Variants in ST13 observed in about 807,000 individuals in gnomAD.
ST13 encodes the protein hsc70-interacting protein.
In ST13, 23 loss-of-function variants were observed where a neutral mutation model predicts 56.7. That is an observed-to-expected ratio of 0.41 (90% confidence interval 0.29 to 0.57). The LOEUF (loss-of-function observed/expected upper bound fraction) is 0.57. Among genes scored for constraint, ST13 ranks in the 20% least tolerant of loss-of-function variants. The pLI is 0.36. For missense variants in ST13, 369 were observed against 459.9 expected, an observed-to-expected ratio of 0.80 and a Z score of 1.81; for synonymous variants, 132 against 142.4, an observed-to-expected ratio of 0.93 and a Z score of 0.52.
chr22:40,853,844 T>C (rs1237353574), intron 1 of ST13, among the ~76,000 whole-genome samples: 1 of 152,098 alleles, frequency 6.6e-6, no homozygotes, highest in African/African-American at 2.4e-5. Context: ...TGAAACCACA[T>C]ACAAGATACT....
rs1451371304 is a variant in ST13, at chr22:40,856,491, T to G, written c.50A>C (p.Lys17Thr). 2 of 1,613,426 alleles carry G rather than the reference T, an allele frequency of 1.2e-6. No individual in the cohort carries two copies. Among genetic ancestry groups the G allele is most frequent in the East Asian group, 2.2e-5 (1 of 44,876 alleles). The change falls in exon 1 of 12, where the codon AAG becomes ACG. Residue 17 changes from lysine (K) to threonine (T), a missense_variant. This residue lies in a region of ST13 where 169 missense variants were observed against 175.6 expected (regional missense o/e 0.96). Transcript: ENST00000216218. ...GGTGTGCAGAACGCTCGGATCCTGC[T>G]TACACATTTTCACAAAGGCCCGAAG... Reference protein sequence around the residue: ...NELRAFVKMCKQDPSVLHTEE... With the variant: ...NELRAFVKMCTQDPSVLHTEE...
intron 1 of ST13, 55 bp downstream of exon 1, chr22:40,856,376 C>G (rs960669450): frequency 8.2e-5 from 122 of 1,486,812 alleles, no homozygotes; most frequent in Non-Finnish European, 1.1e-4. Flanking sequence ...CAGCCTGGCT[C>G]CCCCCTGGGG....
At chr22:40,856,030 A>G (rs543335657) in intron 1 of ST13, among the ~76,000 whole-genome samples, 1 of 152,318 alleles carries the variant, frequency 6.6e-6, no homozygotes, top group African/African-American at 2.4e-5. Context: ...AACACGACGT[A>G]AAGGAATAGT....
chr22:40,834,234 T>A (rs6002173), intron 7 of ST13, among the ~76,000 whole-genome samples: 18,926 of 151,334 alleles, frequency 0.13, 2,149 homozygotes, highest in African/African-American at 0.3. Flanking sequence ...GCAGTGAGCC[T>A]AGATCGCACC....
intron 7 of ST13, among the ~76,000 whole-genome samples, chr22:40,833,769 G>A (rs2057764854): frequency 6.6e-6 from 1 of 152,168 alleles, no homozygotes; most frequent in South Asian, 2.1e-4. Context: ...TACTTGGGAG[G>A]CTGAGGCAGG....
chr22:40,835,991 C>A, intron 5 of ST13, 104 bp from the exon 6 acceptor site: 1 of 917,748 alleles, frequency 1.1e-6, no homozygotes. Context: ...TTCTTTTAAT[C>A]AAGTAAAAAT....
chr22:40,832,525 GGA>G, intron 8 of ST13, 42 bp downstream of exon 8: 1 of 1,399,296 alleles, frequency 7.1e-7, no homozygotes, highest in Non-Finnish European at 1.0e-6. Context: ...CTACAGCGAT[GGA>G]GTATTTAACT....
chr22:40,847,904 G>C (rs1006297310), intron 3 of ST13, among the ~76,000 whole-genome samples: 2 of 151,900 alleles, frequency 1.3e-5, no homozygotes, highest in Admixed American at 6.6e-5. Flanking sequence ...AAAATTAGCC[G>C]AGTGTGGTGG....
At chr22:40,840,713 ATCT>A (rs1421874386) in intron 4 of ST13, 21 bp from the exon 5 acceptor site, 6 of 1,598,882 alleles carry the variant, frequency 3.8e-6, no homozygotes, top group South Asian at 1.1e-5. Flanking sequence ...AATAAAAATC[ATCT>A]TAGAATTAGT....
At position 40,856,467 on chromosome 22, in the gene ST13, G is replaced by C. The variant is rs756407704; in HGVS notation, c.74C>G (p.Thr25Ser). The stretch of plus-strand genomic sequence containing the variant: ...CTCCCTCAGGAAGCGCATTTCCTCG[G>C]TGTGCAGAACGCTCGGATCCTGCTT... ...MCKQDPSVLH[T>S]EEMRFLREWV... Residue 25 changes from threonine to serine, a missense_variant, in exon 1 of 12, where the codon ACC becomes AGC. Coordinates refer to ENST00000216218, the MANE Select transcript of ST13 (RefSeq NM_003932.5). The C allele has an allele frequency of 1.9e-6, 3 of 1,613,608 alleles. No individual in the cohort carries two copies. The South Asian group carries it at 3.3e-5, about 18-fold the overall frequency.
chr22:40,851,642 T>C (rs1041892182), intron 1 of ST13, among the ~76,000 whole-genome samples: 1 of 152,138 alleles, frequency 6.6e-6, no homozygotes, highest in Non-Finnish European at 1.5e-5. Context: ...TCCACAACAG[T>C]TGGAAGCAAC....
intron 4 of ST13, among the ~76,000 whole-genome samples, chr22:40,841,507 A>T (rs368380805): frequency 6.6e-6 from 1 of 152,198 alleles, no homozygotes; most frequent in South Asian, 2.1e-4. Context: ...AGGCTGAGGC[A>T]GGTAGATCCC....
At chr22:40,836,175 G>T (rs928013300) in intron 5 of ST13, among the ~76,000 whole-genome samples, 1 of 152,200 alleles carries the variant, frequency 6.6e-6, no homozygotes, top group Non-Finnish European at 1.5e-5. Flanking sequence ...AAGTAGACGG[G>T]CACGGTGGCT....
intron 5 of ST13, among the ~76,000 whole-genome samples, chr22:40,839,322 A>G (rs1024271980): frequency 3.9e-5 from 6 of 152,234 alleles, no homozygotes; most frequent in Non-Finnish European, 7.3e-5. Flanking sequence ...CCAAATGCAC[A>G]TGAGCACTAT....
At position 40,832,322 on chromosome 22, in the gene ST13, G is replaced by A. The variant is rs1439061162; in HGVS notation, c.681+247C>T. ...CTGATACCCCCTTTTCTAATTTTCT[G>A]GTTATAATTCCACTGCAGGCTTCCA... is the stretch of plus-strand genomic sequence containing the variant. On this transcript the variant is annotated intron_variant, in intron 8 of 11. Coordinates refer to ENST00000216218, the MANE Select transcript of ST13 (RefSeq NM_003932.5). 9.7e-6 allele frequency: 5 copies of A among 515,532 alleles called. No homozygotes were observed. In the East Asian group the frequency reaches 2.1e-4, roughly 22 times the overall value. 31.9% of individuals were successfully genotyped at this position (515,532 alleles called of 1,614,324 possible).
chr22:40,828,301 A>AAG (rs1242135237), intron 10 of ST13, among the ~76,000 whole-genome samples: 1 of 152,184 alleles, frequency 6.6e-6, no homozygotes, highest in East Asian at 1.9e-4. Context: ...CTAAAATTAC[A>AAG]ATTAATAATA....
At chr22:40,831,775 A>G (rs2057754993) in intron 8 of ST13, among the ~76,000 whole-genome samples, 1 of 152,246 alleles carries the variant, frequency 6.6e-6, no homozygotes, top group Non-Finnish European at 1.5e-5. Context: ...ATTTTAACCA[A>G]CAATTTTAGA....
intron 10 of ST13, among the ~76,000 whole-genome samples, chr22:40,829,352 ATC>A (rs1407890362): frequency 1.3e-5 from 2 of 152,198 alleles, no homozygotes; most frequent in African/African-American, 2.4e-5. Context: ...CGTCTCTTCT[ATC>A]TCTGTGTTAG....
At chr22:40,856,063 C>T (rs753319597) in intron 1 of ST13, among the ~76,000 whole-genome samples, 1 of 152,058 alleles carries the variant, frequency 6.6e-6, no homozygotes, top group Non-Finnish European at 1.5e-5. Flanking sequence ...TGCTATGTAC[C>T]AATGAGACCT....
Sources: allele counts gnomAD v4.1 joint callset (sites outside exome capture counted in the v4.1 genomes callset), GRCh38; gene constraint gnomAD v4.1.1; regional missense constraint gnomAD v4.1.1; transcripts MANE v1.5; gene names NCBI Gene and HGNC (gene_info 2026-07-23, HGNC 2026-07-21).